The following OXNAD1 variants were observed in gnomAD, a reference collection of about 807,000 sequenced individuals.
OXNAD1 encodes the protein oxidoreductase NAD-binding domain-containing protein 1.
In OXNAD1, 34 loss-of-function variants were observed where a neutral mutation model predicts 32.9. The ratio of observed to expected loss-of-function variants is 1.03; its 90% CI spans 0.79 to 1.38. The LOEUF is 1.38. OXNAD1 is among the 40% of genes most tolerant of loss of function. The pLI is 0.00. For synonymous variants in OXNAD1, 134 were observed against 135.2 expected, an observed-to-expected ratio of 0.99 and a Z score of 0.06; for missense variants, 407 against 379.4, an observed-to-expected ratio of 1.07 and a Z score of -0.60.
chr3:16,316,688 G>A lies in OXNAD1; in HGVS notation c.*30+13096G>A, dbSNP rs2068427245. Reference sequence around the variant, plus strand: ...AGGAACCTGGCCCTGGGAGGGCTCAGGTGAGCTCACAAGGAGAGGTCAAGC... The same window carrying A: ...AGGAACCTGGCCCTGGGAGGGCTCAAGTGAGCTCACAAGGAGAGGTCAAGC... On this transcript the variant is annotated intron_variant, in intron 9 of 9. Coordinates refer to the OXNAD1 transcript ENST00000435829. This position sits in a 1 kb window ranked among gnomAD's most constrained non-coding sequence, Gnocchi z 4.5. 8 of 951,550 alleles carry A rather than the reference G, an allele frequency of 8.4e-6. No individual in the cohort carries two copies. The Admixed American group carries it at 1.3e-4, about 16-fold the overall frequency. 58.9% of individuals were successfully genotyped at this position (951,550 alleles called of 1,614,324 possible).
In OXNAD1 at chr3:16,277,766, A is replaced by T. The variant is rs1300437132; in HGVS notation, c.183+6044A>T. ...AAAGTTTACTGAATGACCATTTATG[A>T]TGTTTATGCTTCTTACTTGGGACTG... On this transcript the variant is annotated intron_variant, in intron 4 of 8. Transcript: ENST00000285083. The surrounding 1 kb of genome is among the most constrained non-coding windows in gnomAD (Gnocchi z 4.3). 2.6e-5 allele frequency among the ~76,000 whole-genome samples: 4 copies of T among 152,200 alleles called. No homozygotes were observed. The highest frequency in any genetic ancestry group is 7.2e-5 in the African/African-American group (3 of 41,446).
At chr3:16,278,755 G>A (rs570819560) in intron 4 of OXNAD1, among the ~76,000 whole-genome samples, 9 of 152,324 alleles carry the variant, frequency 5.9e-5, no homozygotes, top group Non-Finnish European at 1.0e-4. Flanking sequence ...CATGAGAAAC[G>A]GGGGAGATAC....
At chr3:16,268,127 C>T (rs1039692523) in intron 1 of OXNAD1, among the ~76,000 whole-genome samples, 3 of 151,898 alleles carry the variant, frequency 2.0e-5, no homozygotes, top group Admixed American at 6.6e-5. Flanking sequence ...AGTATGGAAC[C>T]GCCGGACATA....
At chr3:16,323,391 C>T in intron 9 of OXNAD1, 1 of 1,609,914 alleles carries the variant, frequency 6.2e-7, no homozygotes, top group South Asian at 1.1e-5. Flanking sequence ...ATTCCTTCTT[C>T]TTGATTTTCT....
In OXNAD1 at chr3:16,312,450, TCTC is replaced by T. The variant is rs372403323; in HGVS notation, c.*30+8861_*30+8863del. ...AACAACTGGGAGTCAGTGCCGAGCT[TCTC>T]CTGGCCACACACACCAGTCATCCTC... On this transcript the variant is annotated intron_variant, in intron 9 of 9. Coordinates refer to the OXNAD1 transcript ENST00000435829. The surrounding 1 kb of genome is among the most constrained non-coding windows in gnomAD (Gnocchi z 4.7). 2.3e-4 allele frequency among the ~76,000 whole-genome samples: 34 copies of T among 150,668 alleles called. No homozygotes were observed. The East Asian group carries it at 3.5e-3, about 15-fold the overall frequency.
chr3:16,303,901 T>C lies in OXNAD1; in HGVS notation c.*339T>C, dbSNP rs2067364556. 6.2e-6 allele frequency: 1 copy of C among 162,510 alleles called. No individual in the cohort carries two copies. The highest frequency in any genetic ancestry group is 1.3e-5 in the Non-Finnish European group (1 of 74,906). The allele number at this position is 162,510 out of a possible 1,614,324, so 10.1% of individuals were successfully genotyped here. A position where few individuals can be genotyped will look rare whatever the true frequency, so the allele number is the denominator to read the frequency against. Reference sequence around the variant, plus strand: ...ACTTATGTCTAATCATAGGAAAATGTGATTTTTGAGTATAAAATGTGGGCT... The same window carrying C: ...ACTTATGTCTAATCATAGGAAAATGCGATTTTTGAGTATAAAATGTGGGCT... On this transcript the variant is annotated 3_prime_UTR_variant, in exon 9 of 9. Coordinates refer to ENST00000285083, the MANE Select transcript of OXNAD1 (RefSeq NM_138381.5). This position sits in a 1 kb window ranked among gnomAD's most constrained non-coding sequence, Gnocchi z 4.8.
chr3:16,323,305 A>G (rs1404251909), intron 9 of OXNAD1: 11 of 1,186,082 alleles, frequency 9.3e-6, no homozygotes, highest in African/African-American at 1.5e-5. Flanking sequence ...GCCCCCTCAA[A>G]TGCTGCAGAA....
At position 16,345,302 on chromosome 3, in the gene OXNAD1, T is replaced by TGTGTGTGTGTGTGTGTG. The variant is rs2071579203; in HGVS notation, c.*31-3874_*31-3873insGTGTGTGTGTGTGTGTG. The TGTGTGTGTGTGTGTGTG allele has an allele frequency of 1.0e-5, 1 of 95,514 alleles. No individual in the cohort carries two copies. Among genetic ancestry groups the TGTGTGTGTGTGTGTGTG allele is most frequent in the African/African-American group, 6.4e-5 (1 of 15,696 alleles). The allele number at this position is 95,514 out of a possible 1,614,324, so 5.9% of individuals were successfully genotyped here. On this transcript the variant is annotated intron_variant, in intron 9 of 9. Coordinates refer to the OXNAD1 transcript ENST00000606098. The surrounding 1 kb of genome is among the most constrained non-coding windows in gnomAD (Gnocchi z 5.2). ...TGTGTGTGTGTGTGTGTGTGTGTGT[T>TGTGTGTGTGTGTGTGTG]TAAAGCTGTTATAGAATTATCTCCC...
intron 1 of OXNAD1, among the ~76,000 whole-genome samples, chr3:16,266,311 T>C (rs2064494440): frequency 1.3e-5 from 2 of 152,204 alleles, no homozygotes; most frequent in South Asian, 2.1e-4. Flanking sequence ...ATATACATAA[T>C]ATATCCCTGT....
rs974154148 is a variant in OXNAD1, at chr3:16,287,313, G to A, written c.290+865G>A. On this transcript the variant is annotated intron_variant, in intron 5 of 8. Coordinates refer to ENST00000285083, the MANE Select transcript of OXNAD1 (RefSeq NM_138381.5). The surrounding 1 kb of genome is among the most constrained non-coding windows in gnomAD (Gnocchi z 4.8). ...TCTGGAAATGTGGTTTTGTTAGAAG[G>A]AGGATGTGTGATAATAGCAAGTGTG... is the stretch of plus-strand genomic sequence containing the variant. Among the ~76,000 whole-genome samples the A allele has an allele frequency of 5.9e-5, 9 of 152,250 alleles. No homozygotes were observed. The highest frequency in any genetic ancestry group is 8.8e-5 in the Non-Finnish European group (6 of 68,046).
rs1160939614 is a variant in OXNAD1, at chr3:16,345,817, T to TGTGTGTGTGTGTGTGTGTGTGC, written c.*31-3358_*31-3357insTGTGTGTGTGTGTGTGTGTGCG. 4.0e-5 allele frequency among the ~76,000 whole-genome samples: 3 copies of TGTGTGTGTGTGTGTGTGTGTGC among 74,538 alleles called. No homozygotes were observed. The highest frequency in any genetic ancestry group is 1.1e-4 in the African/African-American group (2 of 18,088). The allele number at this position is 74,538 out of a possible 152,430, so 48.9% of individuals were successfully genotyped here. On this transcript the variant is annotated intron_variant, in intron 9 of 9. Coordinates refer to the OXNAD1 transcript ENST00000606098. The surrounding 1 kb of genome is among the most constrained non-coding windows in gnomAD (Gnocchi z 5.2). The stretch of plus-strand genomic sequence containing the variant: ...GTGTGTGTGTGTGTGTGTGTGTGTG[T>TGTGTGTGTGTGTGTGTGTGTGC]GCGCGCGCGCGTGCGCGCACGCGCA...
chr3:16,319,438 A>C (rs186345666), intron 9 of OXNAD1, among the ~76,000 whole-genome samples: 135 of 152,332 alleles, frequency 8.9e-4, no homozygotes, highest in African/African-American at 3.2e-3. Flanking sequence ...ACTCATCTCT[A>C]AAATGGTTGT....
At chr3:16,333,957 A>C (rs2125257118) in intron 9 of OXNAD1, among the ~76,000 whole-genome samples, 1 of 152,228 alleles carries the variant, frequency 6.6e-6, no homozygotes, top group Non-Finnish European at 1.5e-5. Flanking sequence ...CGAGGTCAGG[A>C]GATCGAGACC....
Position 16,283,959 on chromosome 3 carries a change from A to G in OXNAD1, c.184-2383A>G, listed in dbSNP as rs77530038. Among the ~76,000 whole-genome samples, 579 of 152,334 alleles carry G rather than the reference A, an allele frequency of 3.8e-3. 6 individuals carry two copies. The highest frequency in any genetic ancestry group is 0.013 in the African/African-American group (555 of 41,580). On this transcript the variant is annotated intron_variant, in intron 4 of 8. Coordinates refer to ENST00000285083, the MANE Select transcript of OXNAD1 (RefSeq NM_138381.5). The stretch of plus-strand genomic sequence containing the variant: ...CCCAACCGTCAAAGGAGAAGTTGCA[A>G]GAACACCGAAGCTAGGTTACCTGTG...
chr3:16,331,823 T>G (rs1479779708), intron 9 of OXNAD1, among the ~76,000 whole-genome samples: 1 of 152,226 alleles, frequency 6.6e-6, no homozygotes, highest in African/African-American at 2.4e-5. Flanking sequence ...TAGGCAACAA[T>G]GCCCTAGAAG....
chr3:16,274,430 G>A (rs1036226459), intron 4 of OXNAD1, among the ~76,000 whole-genome samples: 3 of 152,102 alleles, frequency 2.0e-5, no homozygotes, highest in Non-Finnish European at 2.9e-5. Context: ...AATTATAAAA[G>A]GTGTATTTTC....
At position 16,271,159 on chromosome 3, in the gene OXNAD1, C is replaced by T. The variant is rs111375673; in HGVS notation, c.119+88C>T. 0.037 allele frequency: 54,799 copies of T among 1,467,974 alleles called. 1,173 individuals carry two copies. The highest frequency in any genetic ancestry group is 0.097 in the Middle Eastern group (500 of 5,134). The allele number at this position is 1,467,974 out of a possible 1,614,324, so 90.9% of individuals were successfully genotyped here. A position where few individuals can be genotyped will look rare whatever the true frequency, so the allele number is the denominator to read the frequency against. ...GGTTGTGGGAGGCATATCAAACTCC[C>T]GGAAAGGTAACACCTTAGCTTCAAT... is the stretch of plus-strand genomic sequence containing the variant. On this transcript the variant is annotated intron_variant, in intron 3 of 8. Transcript: ENST00000285083. The surrounding 1 kb of genome is among the most constrained non-coding windows in gnomAD (Gnocchi z 4.6).
rs2069838482 is a variant in OXNAD1 at position 16,327,584 on chromosome 3, C to T, written c.*31-9528C>T. 6.6e-6 allele frequency among the ~76,000 whole-genome samples: 1 copy of T among 151,948 alleles called. No homozygotes were observed. Among genetic ancestry groups the T allele is most frequent in the African/African-American group, 2.4e-5 (1 of 41,346 alleles). On this transcript the variant is annotated intron_variant, in intron 9 of 9. Transcript: ENST00000435829. The surrounding 1 kb of genome is among the most constrained non-coding windows in gnomAD (Gnocchi z 4.2). ...ACCATCCTGGCTAACACAGTGAAACCCCGTCTCTACTAAAAATACAAAAAA... is the reference window on the plus strand; with the variant it reads ...ACCATCCTGGCTAACACAGTGAAACTCCGTCTCTACTAAAAATACAAAAAA...
In OXNAD1 at chr3:16,289,829, G is replaced by A. The variant is rs764869459; in HGVS notation, c.290+3381G>A. Reference sequence around the variant, plus strand: ...ACTCCTCCTTCCTCTGCCTTGCCTCGCTACGCTAAGCAGATTTTATCATTG... The same window carrying A: ...ACTCCTCCTTCCTCTGCCTTGCCTCACTACGCTAAGCAGATTTTATCATTG... On this transcript the variant is annotated intron_variant, in intron 5 of 8. Transcript: ENST00000285083. The surrounding 1 kb of genome is among the most constrained non-coding windows in gnomAD (Gnocchi z 4.9). 2.4e-4 allele frequency among the ~76,000 whole-genome samples: 37 copies of A among 152,152 alleles called. No homozygotes were observed. Among genetic ancestry groups the A allele is most frequent in the Non-Finnish European group, 2.8e-4 (19 of 68,028 alleles).
Sources: gnomAD v4.1 joint callset for allele counts (sites outside exome capture counted in the v4.1 genomes callset) on GRCh38, gnomAD v4.1.1 for gene constraint, Gnocchi (gnomAD v3.1) non-coding constraint, MANE v1.5 for transcripts, NCBI Gene and HGNC (gene_info 2026-07-23, HGNC 2026-07-21) for gene names.